GRB14: variants seen among roughly 807,000 people sequenced by gnomAD.
GRB14 encodes growth factor receptor bound protein 14.
A neutral mutation model predicts 69.1 loss-of-function variants in GRB14; 38 were observed. That is an observed-to-expected ratio of 0.55 (90% CI 0.42 to 0.72). The LOEUF is 0.72. GRB14 is among the 30% of genes least tolerant of loss of function. GRB14 has a pLI of 0.00. For missense variants in GRB14, 666 were observed against 666.1 expected (o/e 1.00, Z 0.00); for synonymous variants, 247 against 241.3 (o/e 1.02, Z -0.22).
chr2:164,527,174 CAAATATAT>C (rs1574273011), intron 3 of GRB14, 39 bp from the exon 4 acceptor site: 4 of 330,896 alleles, frequency 1.2e-5, no homozygotes, highest in East Asian at 8.2e-5. Context: ...GACAGATAGA[CAAATATAT>C]ATATATATAT....
At chr2:164,501,114 T>A (rs1419715387) in intron 9 of GRB14, among the ~76,000 whole-genome samples, 1 of 152,086 alleles carries the variant, frequency 6.6e-6, no homozygotes, top group East Asian at 1.9e-4. Context: ...TGTAAAAACA[T>A]TCATCTTAAC....
At chr2:164,596,159 T>G (rs1574343287) in intron 2 of GRB14, among the ~76,000 whole-genome samples, 1 of 152,138 alleles carries the variant, frequency 6.6e-6, no homozygotes, top group Non-Finnish European at 1.5e-5. Flanking sequence ...AATTCTATAT[T>G]TGTACTTAAA....
At chr2:164,586,560 T>G (rs1689544753) in intron 2 of GRB14, among the ~76,000 whole-genome samples, 6 of 152,152 alleles carry the variant, frequency 3.9e-5, no homozygotes, top group Admixed American at 3.9e-4. Context: ...CATATATGCT[T>G]TGACTCGTTT....
At chr2:164,620,038 GTC>G (rs66716163) in intron 1 of GRB14, 1,008 of 70,782 alleles carry the variant, frequency 0.014, no homozygotes, top group Middle Eastern at 0.045. Flanking sequence ...CTCTCTTTCT[GTC>G]TCTCTCTCTC....
At chr2:164,522,937 C>T (rs956020377) in intron 5 of GRB14, among the ~76,000 whole-genome samples, 1 of 152,042 alleles carries the variant, frequency 6.6e-6, no homozygotes, top group South Asian at 2.1e-4. Flanking sequence ...ATTTTCGTGA[C>T]TTGGCCCTTG....
chr2:164,614,211 T>C (rs1690232422), intron 2 of GRB14, among the ~76,000 whole-genome samples: 1 of 152,210 alleles, frequency 6.6e-6, no homozygotes, highest in African/African-American at 2.4e-5. Flanking sequence ...CAAATTGCCG[T>C]TGGAAAGATA....
chr2:164,589,353 T>C (rs1287886813), intron 2 of GRB14, among the ~76,000 whole-genome samples: 4 of 152,194 alleles, frequency 2.6e-5, no homozygotes, highest in Admixed American at 1.3e-4. Flanking sequence ...ATATCCTTTG[T>C]CTTAGTCCAT....
At position 164,527,076 on chromosome 2, in the gene GRB14, C is replaced by T; in HGVS notation, c.541G>A (p.Glu181Lys). The change falls in exon 4 of 14, where the codon GAA becomes AAA. Residue 181 changes from glutamate (E) to lysine (K), a missense_variant. Glu to Lys is a moderately conservative substitution (Grantham distance 56). Transcript: ENST00000263915. ...TTTCTAAAGTATAGTTTGTTTTCTTCTTCTATCCCCCAGTTGGATAGCACT... is the reference window on the plus strand; with the variant it reads ...TTTCTAAAGTATAGTTTGTTTTCTTTTTCTATCCCCCAGTTGGATAGCACT... ...IEVLSNWGIE[E>K]ENKLYFRKNY... The T allele has an allele frequency of 6.3e-7, 1 of 1,587,246 alleles. No homozygotes were observed. Among genetic ancestry groups the T allele is most frequent in the Non-Finnish European group, 8.6e-7 (1 of 1,158,794 alleles).
At chr2:164,510,745 G>T (rs956661782) in intron 6 of GRB14, among the ~76,000 whole-genome samples, 1 of 152,252 alleles carries the variant, frequency 6.6e-6, no homozygotes, top group African/African-American at 2.4e-5. Flanking sequence ...ACCATAAAGG[G>T]TGAGTCTCAG....
At chr2:164,521,360 C>G (rs899167508) in intron 6 of GRB14, among the ~76,000 whole-genome samples, 1 of 151,884 alleles carries the variant, frequency 6.6e-6, no homozygotes, top group Non-Finnish European at 1.5e-5. Context: ...TTTGGGGACT[C>G]AGGGAAAAGG....
In GRB14 at chr2:164,565,757, C is replaced by T. The variant is rs192582698; in HGVS notation, c.325-17941G>A. Among the ~76,000 whole-genome samples, 7 of 152,276 alleles carry T rather than the reference C, an allele frequency of 4.6e-5. No individual in the cohort carries two copies. In the East Asian group the frequency reaches 1.2e-3, roughly 25 times the overall value. The stretch of plus-strand genomic sequence containing the variant: ...TCACTTAAATCAGAGAAATCAGATC[C>T]TAATAGAATTTGGAAGTGAACATTT... On this transcript the variant is annotated intron_variant, in intron 2 of 13. Coordinates refer to ENST00000263915, the MANE Select transcript of GRB14 (RefSeq NM_004490.3).
intron 2 of GRB14, among the ~76,000 whole-genome samples, chr2:164,598,220 A>G (rs984258941): frequency 2.0e-5 from 3 of 152,200 alleles, no homozygotes; most frequent in African/African-American, 4.8e-5. Context: ...GTAGATAACA[A>G]GTTGGCATTC....
chr2:164,494,571 T>C, intron 12 of GRB14, 47 bp from the exon 13 acceptor site: 1 of 979,904 alleles, frequency 1.0e-6, no homozygotes, highest in Non-Finnish European at 1.7e-6. Context: ...TACTCATGGA[T>C]TTCATAGAAC....
intron 9 of GRB14, among the ~76,000 whole-genome samples, chr2:164,498,671 C>G (rs1016478436): frequency 6.6e-6 from 1 of 152,168 alleles, no homozygotes; most frequent in Non-Finnish European, 1.5e-5. Context: ...GGCTTAAAAG[C>G]ATTTTATCTC....
chr2:164,497,240 G>A lies in GRB14; in HGVS notation c.1265C>T (p.Ala422Val), dbSNP rs144918870. 2.7e-5 allele frequency: 43 copies of A among 1,613,716 alleles called. No individual in the cohort carries two copies. In the African/African-American group the frequency reaches 4.9e-4, roughly 19 times the overall value. Residue 422 changes from alanine to valine, a missense_variant, in exon 11 of 14, where the codon GCC becomes GTC. Coordinates refer to ENST00000263915, the MANE Select transcript of GRB14 (RefSeq NM_004490.3). ...GTTTGTGGCAGAGCTCTGTGAAGAGGCAGTGGGGCTACCGTGAGTGCCCAG... is the reference window on the plus strand; with the variant it reads ...GTTTGTGGCAGAGCTCTGTGAAGAGACAGTGGGGCTACCGTGAGTGCCCAG... The part of the protein sequence containing the change: ...LRLGTHGSPT[A>V]SSQSSATNMA...
intron 2 of GRB14, among the ~76,000 whole-genome samples, chr2:164,580,611 G>C (rs924696449): frequency 9.9e-5 from 15 of 151,862 alleles, no homozygotes; most frequent in African/African-American, 3.6e-4. Flanking sequence ...GGCTGAGGCA[G>C]GAGAATCGCT....
At chr2:164,557,361 T>C (rs1041344815) in intron 2 of GRB14, among the ~76,000 whole-genome samples, 49 of 152,280 alleles carry the variant, frequency 3.2e-4, no homozygotes, top group Non-Finnish European at 3.4e-4. Context: ...AGGAAATGCT[T>C]TTCAAGATAC....
Position 164,493,126 on chromosome 2 carries a change from T to C in GRB14, c.1533A>G (p.Thr511=), listed in dbSNP as rs1046576681. Residue 511 remains threonine, a synonymous_variant, in exon 14 of 14, where the codon ACA becomes ACG. Transcript: ENST00000263915. ...AGAACTCCACCAGCTGTATTAGATCTGTAAATCTTGTGTGGCCATCATCCA... is the reference window on the plus strand; with the variant it reads ...AGAACTCCACCAGCTGTATTAGATCCGTAAATCTTGTGTGGCCATCATCCA... ...HTLDDGHTRF[T]DLIQLVEFYQ... 6.2e-7 allele frequency: 1 copy of C among 1,613,622 alleles called. No homozygotes were observed. The highest frequency in any genetic ancestry group is 2.2e-5 in the East Asian group (1 of 44,814).
intron 3 of GRB14, among the ~76,000 whole-genome samples, chr2:164,535,964 T>C (rs1295649054): frequency 1.3e-5 from 2 of 152,218 alleles, no homozygotes; most frequent in African/African-American, 2.4e-5. Context: ...AATGCCTGCA[T>C]ATATATGATC....
Sources: gnomAD v4.1 joint callset for allele counts (sites outside exome capture counted in the v4.1 genomes callset) on GRCh38, gnomAD v4.1.1 for gene constraint, MANE v1.5 for transcripts, NCBI Gene and HGNC (gene_info 2026-07-23, HGNC 2026-07-21) for gene names.